PATJ: variants seen among roughly 807,000 people sequenced by gnomAD.
The protein encoded by PATJ is PATJ crumbs cell polarity complex component.
In PATJ, 190 loss-of-function variants were observed where a neutral mutation model predicts 224.9. The ratio of observed to expected loss-of-function variants is 0.84; its 90% CI spans 0.75 to 0.95. The LOEUF (loss-of-function observed/expected upper bound fraction) is 0.95, where lower values mean the gene tolerates loss of function less well. Among genes scored for constraint, PATJ ranks in the 40% least tolerant of loss-of-function variants. The probability of loss-of-function intolerance (pLI) is 0.00; values close to 1 mark genes in which losing one functional copy is unlikely to be tolerated. For synonymous variants in PATJ, 769 were observed against 820.3 expected (o/e 0.94, Z 1.07); for missense variants, 2,121 against 2,270.3 (o/e 0.93, Z 1.34).
intron 41 of PATJ, among the ~76,000 whole-genome samples, chr1:62,138,008 C>G (rs570543518): frequency 1.6e-3 from 243 of 152,176 alleles, no homozygotes; most frequent in Non-Finnish European, 2.7e-3. Context: ...TGTGGCCTCC[C>G]CCTCTTTGGG....
intron 41 of PATJ, among the ~76,000 whole-genome samples, chr1:62,144,724 A>G (rs1667828911): frequency 6.8e-6 from 1 of 146,062 alleles, no homozygotes; most frequent in African/African-American, 2.6e-5. Context: ...GGACTCCCAG[A>G]GCTATACTAT....
chr1:62,121,392 T>A, intron 38 of PATJ, 97 bp downstream of exon 38: 1 of 741,044 alleles, frequency 1.3e-6, no homozygotes, highest in Non-Finnish European at 2.2e-6. Flanking sequence ...AATATAAATG[T>A]TTTTTAATTT....
chr1:61,780,102 A>G (rs190259578), intron 7 of PATJ, among the ~76,000 whole-genome samples: 32 of 152,160 alleles, frequency 2.1e-4, no homozygotes, highest in Non-Finnish European at 7.4e-5. Context: ...TTTGGGGGGG[A>G]CAAACATCCA....
intron 17 of PATJ, among the ~76,000 whole-genome samples, chr1:61,837,843 T>C (rs1660428273): frequency 1.3e-5 from 2 of 151,088 alleles, no homozygotes; most frequent in African/African-American, 4.9e-5. Context: ...GAGCTTGAAT[T>C]AGTCTATAGA....
chr1:62,126,977 A>C (rs2760224), intron 39 of PATJ, among the ~76,000 whole-genome samples: 6,181 of 152,160 alleles, frequency 0.041, 390 homozygotes, highest in African/African-American at 0.13. Context: ...CATTTTATAC[A>C]TAGAGATGGA....
chr1:61,937,555 TA>T (rs1206979969), intron 27 of PATJ, among the ~76,000 whole-genome samples: 1 of 151,390 alleles, frequency 6.6e-6, no homozygotes, highest in African/African-American at 2.4e-5. Flanking sequence ...GAATAGTCTT[TA>T]AAAAAAATAC....
At chr1:61,799,725 C>G (rs1205629109) in intron 11 of PATJ, among the ~76,000 whole-genome samples, 2 of 152,072 alleles carry the variant, frequency 1.3e-5, no homozygotes, top group Non-Finnish European at 2.9e-5. Context: ...CTCCTTCATC[C>G]TGGGATCCCC....
At chr1:61,951,239 G>A (rs922963876) in intron 27 of PATJ, among the ~76,000 whole-genome samples, 2 of 151,760 alleles carry the variant, frequency 1.3e-5, no homozygotes, top group African/African-American at 2.4e-5. Flanking sequence ...TCTGTAATTG[G>A]AGAAAACTGA....
intron 23 of PATJ, among the ~76,000 whole-genome samples, chr1:61,900,047 G>A (rs1375785957): frequency 6.6e-6 from 1 of 152,156 alleles, no homozygotes; most frequent in African/African-American, 2.4e-5. Context: ...CTCCCCTGGT[G>A]GAGAGTCCAC....
intron 7 of PATJ, among the ~76,000 whole-genome samples, chr1:61,776,554 G>A (rs149717062): frequency 2.6e-5 from 4 of 152,188 alleles, no homozygotes; most frequent in South Asian, 2.1e-4. Context: ...CATGTCTTTC[G>A]AATATTGTCA....
intron 1 of PATJ, among the ~76,000 whole-genome samples, chr1:61,757,661 G>T (rs1645726852): frequency 6.6e-6 from 1 of 152,024 alleles, no homozygotes; most frequent in Non-Finnish European, 1.5e-5. Context: ...GCTAGGTTTA[G>T]AGGCATGAGC....
intron 15 of PATJ, among the ~76,000 whole-genome samples, chr1:61,826,951 A>T (rs1225988706): frequency 6.6e-6 from 1 of 152,204 alleles, no homozygotes; most frequent in African/African-American, 2.4e-5. Flanking sequence ...TTAAGCAGTA[A>T]ATTAAACATT....
At chr1:61,824,508 G>A (rs192208046) in intron 15 of PATJ, among the ~76,000 whole-genome samples, 4 of 150,146 alleles carry the variant, frequency 2.7e-5, no homozygotes, top group South Asian at 4.2e-4. Context: ...TTACTGCAGC[G>A]TCAAACTCCT....
At chr1:62,148,892 C>T (rs1381664551) in intron 42 of PATJ, among the ~76,000 whole-genome samples, 28 of 152,074 alleles carry the variant, frequency 1.8e-4, no homozygotes, top group Non-Finnish European at 1.6e-4. Context: ...TTTGGGAGGC[C>T]GAGACGGGTG....
At chr1:61,888,452 CTT>C (rs948586824) in intron 22 of PATJ, among the ~76,000 whole-genome samples, 1 of 147,904 alleles carries the variant, frequency 6.8e-6, no homozygotes, top group African/African-American at 2.5e-5. Flanking sequence ...AATTTTTGTA[CTT>C]TTTTTTTTTC....
At chr1:61,803,269 T>C (rs950073883) in intron 12 of PATJ, among the ~76,000 whole-genome samples, 2 of 152,204 alleles carry the variant, frequency 1.3e-5, no homozygotes, top group Non-Finnish European at 2.9e-5. Context: ...TTGGCATAAC[T>C]GGGCATGCTT....
At chr1:61,920,448 T>A (rs537049318) in intron 26 of PATJ, among the ~76,000 whole-genome samples, 2 of 152,258 alleles carry the variant, frequency 1.3e-5, no homozygotes, top group South Asian at 4.1e-4. Flanking sequence ...GACTTGCTCC[T>A]CCTTGCTTTC....
At chr1:62,044,821 A>T (rs112694937) in intron 30 of PATJ, among the ~76,000 whole-genome samples, 1 of 152,198 alleles carries the variant, frequency 6.6e-6, no homozygotes, top group African/African-American at 2.4e-5. Flanking sequence ...AGTTTGTCAC[A>T]TGTGGTAAAC....
intron 21 of PATJ, among the ~76,000 whole-genome samples, chr1:61,881,354 TG>T (rs1330829876): frequency 6.6e-6 from 1 of 151,140 alleles, no homozygotes; most frequent in African/African-American, 2.4e-5. Flanking sequence ...AGCCTTATCC[TG>T]GGGCCTATGG....
Sources: gnomAD v4.1 joint callset for allele counts (sites outside exome capture counted in the v4.1 genomes callset) on GRCh38, gnomAD v4.1.1 for gene constraint, MANE v1.5 for transcripts, NCBI Gene and HGNC (gene_info 2026-07-23, HGNC 2026-07-21) for gene names.